TTYH2: variants seen among roughly 807,000 people sequenced by gnomAD.
TTYH2 encodes the protein protein tweety homolog 2.
In TTYH2, 49 loss-of-function variants were observed where a neutral mutation model predicts 68.3. That is an observed-to-expected ratio of 0.72 (90% CI 0.57 to 0.91). The LOEUF (loss-of-function observed/expected upper bound fraction) is 0.91, where lower values mean the gene tolerates loss of function less well. TTYH2 is among the 40% of genes least tolerant of loss of function. The pLI, the probability that TTYH2 is intolerant of heterozygous loss-of-function variation, is 0.00. For synonymous variants in TTYH2, 272 were observed against 300.8 expected, an observed-to-expected ratio of 0.90 and a Z score of 0.99; for missense variants, 631 against 700.4, an observed-to-expected ratio of 0.90 and a Z score of 1.12.
chr17:74,250,087 TGCCCCG>T lies in TTYH2; in HGVS notation c.1023+65_1023+70del. On this transcript the variant is annotated intron_variant, in intron 9 of 13. Coordinates refer to ENST00000269346, the MANE Select transcript of TTYH2 (RefSeq NM_032646.6). ...GATGAACCCTGACAGCCCTTTCCCCTGCCCCGGCCCCAGGGCCAGGCTGTGCACAGC... is the reference window on the plus strand; with the variant it reads ...GATGAACCCTGACAGCCCTTTCCCCTGCCCCAGGGCCAGGCTGTGCACAGC... The T allele has an allele frequency of 2.5e-6, 4 of 1,586,704 alleles. No individual in the cohort carries two copies. In the Admixed American group the frequency reaches 5.0e-5, roughly 20 times the overall value.
At position 74,260,724 on chromosome 17, in the gene TTYH2, T is replaced by A. The variant is rs2050741872; in HGVS notation, c.*515T>A. 2 of 163,052 alleles carry A rather than the reference T, an allele frequency of 1.2e-5. No individual in the cohort carries two copies. Among genetic ancestry groups the A allele is most frequent in the African/African-American group, 4.8e-5 (2 of 41,990 alleles). 10.1% of individuals were successfully genotyped at this position (163,052 alleles called of 1,614,324 possible). A position where few individuals can be genotyped will look rare whatever the true frequency, so the allele number is the denominator to read the frequency against. On this transcript the variant is annotated 3_prime_UTR_variant, in exon 14 of 14. Coordinates refer to ENST00000269346, the MANE Select transcript of TTYH2 (RefSeq NM_032646.6). Reference sequence around the variant, plus strand: ...ATGCTCTTTAAGAAGTTCGCACCCCTGCTGACACCAGAACAGCCCAAATCA... The same window carrying A: ...ATGCTCTTTAAGAAGTTCGCACCCCAGCTGACACCAGAACAGCCCAAATCA...
rs35080135 is a variant in TTYH2 at position 74,227,983 on chromosome 17, C to CTTTTTTTTTTTTT, written c.303-2899_303-2887dup. On this transcript the variant is annotated intron_variant, in intron 2 of 13. Coordinates refer to ENST00000269346, the MANE Select transcript of TTYH2 (RefSeq NM_032646.6). ...GAAGGAGGTTTCTTTTCTTTTCTTT[C>CTTTTTTTTTTTTT]TTTTTTTTTTTTTTTTTTGAGATAG... Among the ~76,000 whole-genome samples, 90 of 112,498 alleles carry CTTTTTTTTTTTTT rather than the reference C, an allele frequency of 8.0e-4. 7 individuals carry two copies. Among genetic ancestry groups the CTTTTTTTTTTTTT allele is most frequent in the African/African-American group, 3.3e-3 (70 of 21,536 alleles). The allele number at this position is 112,498 out of a possible 152,430, so 73.8% of individuals were successfully genotyped here.
chr17:74,216,118 A>C (rs549844203), intron 1 of TTYH2, among the ~76,000 whole-genome samples: 1 of 152,366 alleles, frequency 6.6e-6, no homozygotes, highest in Non-Finnish European at 1.5e-5. Context: ...GTCCCATAGC[A>C]CATAACAGGA....
intron 1 of TTYH2, among the ~76,000 whole-genome samples, chr17:74,221,922 A>C (rs946018170): frequency 2.0e-5 from 3 of 152,110 alleles, no homozygotes; most frequent in African/African-American, 7.2e-5. Context: ...CAAGCTCTTC[A>C]CATTCTGGTA....
rs146849596 is a variant in TTYH2, at chr17:74,222,589, G to A, written c.234G>A (p.Ala78=). 1.0e-4 allele frequency: 161 copies of A among 1,612,342 alleles called. No individual in the cohort carries two copies. The highest frequency in any genetic ancestry group is 8.3e-4 in the Middle Eastern group (5 of 6,060). ...CATGCCACTGCCGGCGGGACGATGC[G>A]GTGCAGACCAAGCAGCACCACTCCT... ...VCACHCRRDD[A]VQTKQHHSCC... Residue 78 remains alanine (A), a synonymous_variant, in exon 2 of 14, where the codon GCG becomes GCA. Transcript: ENST00000269346. The surrounding 1 kb of genome is among the most constrained non-coding windows in gnomAD (Gnocchi z 5.2).
At position 74,260,304 on chromosome 17, in the gene TTYH2, G is replaced by C; in HGVS notation, c.*95G>C. On this transcript the variant is annotated 3_prime_UTR_variant, in exon 14 of 14. Transcript: ENST00000269346. ...TCTTTAATAGAAACCAAAGGCATCTGGAGCCCGAGAGGCCTCCTGCTGTGG... is the reference window on the plus strand; with the variant it reads ...TCTTTAATAGAAACCAAAGGCATCTCGAGCCCGAGAGGCCTCCTGCTGTGG... 1 of 1,351,114 alleles carries C rather than the reference G, an allele frequency of 7.4e-7. No homozygotes were observed. Among genetic ancestry groups the C allele is most frequent in the Non-Finnish European group, 1.0e-6 (1 of 955,592 alleles). 83.7% of individuals were successfully genotyped at this position (1,351,114 alleles called of 1,614,324 possible).
chr17:74,225,288 C>T (rs1330290216), intron 2 of TTYH2, among the ~76,000 whole-genome samples: 1 of 150,204 alleles, frequency 6.7e-6, no homozygotes, highest in East Asian at 2.0e-4. Context: ...GGGGCACTGT[C>T]GAGGGTCGGG....
At chr17:74,218,695 G>A (rs1362045953) in intron 1 of TTYH2, among the ~76,000 whole-genome samples, 1 of 152,214 alleles carries the variant, frequency 6.6e-6, no homozygotes, top group Non-Finnish European at 1.5e-5. Context: ...GGAGGCTGGA[G>A]GAGGCTTGAG....
rs1004300103 is a variant in TTYH2, at chr17:74,215,206, C to A, written c.129+1490C>A. ...GTGTGTGTGTGTGTGTGTGTGTGTC[C>A]CCATCCCAAACCCTGTGCCCCACAT... On this transcript the variant is annotated intron_variant, in intron 1 of 13. Coordinates refer to ENST00000269346, the MANE Select transcript of TTYH2 (RefSeq NM_032646.6). This position sits in a 1 kb window ranked among gnomAD's most constrained non-coding sequence, Gnocchi z 4.3. 2.2e-5 allele frequency among the ~76,000 whole-genome samples: 3 copies of A among 137,022 alleles called. No individual in the cohort carries two copies. Among genetic ancestry groups the A allele is most frequent in the Admixed American group, 2.1e-4 (3 of 14,318 alleles). 89.9% of individuals were successfully genotyped at this position (137,022 alleles called of 152,430 possible).
intron 9 of TTYH2, 85 bp from the exon 10 acceptor site, chr17:74,250,180 C>A (rs1216354031): frequency 1.4e-6 from 2 of 1,474,698 alleles, no homozygotes; most frequent in Non-Finnish European, 1.9e-6. Context: ...GCTCTAGAGG[C>A]CCCTGAGCAC....
chr17:74,251,359 T>TG (rs1193796587), intron 10 of TTYH2, among the ~76,000 whole-genome samples: 1 of 52,814 alleles, frequency 1.9e-5, no homozygotes, highest in Non-Finnish European at 4.0e-5. Flanking sequence ...TGCATGTGTG[T>TG]GTGCATGTGG....
chr17:74,223,619 A>G (rs2050300858), intron 2 of TTYH2, among the ~76,000 whole-genome samples: 1 of 152,164 alleles, frequency 6.6e-6, no homozygotes, highest in Non-Finnish European at 1.5e-5. Flanking sequence ...TGGCGTCCAC[A>G]TGCATGCTGG....
At chr17:74,237,953 C>T (rs1056171616) in intron 4 of TTYH2, among the ~76,000 whole-genome samples, 1 of 152,104 alleles carries the variant, frequency 6.6e-6, no homozygotes, top group African/African-American at 2.4e-5. Flanking sequence ...TCTTGATAAG[C>T]CATTGGCCAA....
At position 74,260,138 on chromosome 17, in the gene TTYH2, A is replaced by C. The variant is rs767365211; in HGVS notation, c.1534A>C (p.Ser512Arg). 1.2e-6 allele frequency: 2 copies of C among 1,613,764 alleles called. No individual in the cohort carries two copies. Among genetic ancestry groups the C allele is most frequent in the Admixed American group, 1.7e-5 (1 of 60,004 alleles). The change falls in exon 14 of 14, where the codon AGC becomes CGC. Residue 512 changes from serine (S) to arginine (R), a missense_variant. By Grantham distance (110) the Ser-to-Arg change is moderately radical. Transcript: ENST00000269346. Reference protein sequence around the residue: ...RASPPPTYSPSMRATYLSVAD... With the variant: ...RASPPPTYSPRMRATYLSVAD... The stretch of plus-strand genomic sequence containing the variant: ...TCTTCTCTCTTGGCAGTACTCTCCC[A>C]GCATGAGAGCCACCTACCTGTCTGT...
intron 3 of TTYH2, among the ~76,000 whole-genome samples, chr17:74,235,438 G>A (rs541933712): frequency 2.6e-5 from 4 of 152,320 alleles, no homozygotes; most frequent in South Asian, 2.1e-4. Context: ...CCCTTTCTCC[G>A]CTCGCTGCCA....
At chr17:74,216,949 C>T (rs994377147) in intron 1 of TTYH2, among the ~76,000 whole-genome samples, 2 of 152,264 alleles carry the variant, frequency 1.3e-5, no homozygotes, top group African/African-American at 4.8e-5. Context: ...GAAACTGCTA[C>T]AATCACTGCT....
intron 4 of TTYH2, 37 bp downstream of exon 4, chr17:74,237,551 G>A: frequency 6.4e-7 from 1 of 1,558,846 alleles, no homozygotes; most frequent in South Asian, 1.2e-5. Context: ...AGGGGCAGCA[G>A]CGGCTACATC....
chr17:74,240,491 G>C (rs1046705276), intron 4 of TTYH2, among the ~76,000 whole-genome samples: 2 of 151,166 alleles, frequency 1.3e-5, no homozygotes, highest in Non-Finnish European at 2.9e-5. Context: ...TATGGCGCCT[G>C]AACATCAGTG....
At chr17:74,227,745 C>T (rs1231982732) in intron 2 of TTYH2, among the ~76,000 whole-genome samples, 1 of 141,094 alleles carries the variant, frequency 7.1e-6, no homozygotes, top group Non-Finnish European at 1.5e-5. Context: ...CATGCAGGAA[C>T]CTTGTTTTTT....
Sources: gnomAD v4.1 joint callset for allele counts (sites outside exome capture counted in the v4.1 genomes callset) on GRCh38, gnomAD v4.1.1 for gene constraint, Gnocchi (gnomAD v3.1) non-coding constraint, MANE v1.5 for transcripts, NCBI Gene and HGNC (gene_info 2026-07-23, HGNC 2026-07-21) for gene names.